Variants in MAP2K5 observed in about 807,000 individuals in gnomAD.
MAP2K5 encodes the protein dual specificity mitogen-activated protein kinase kinase 5.
Under a neutral mutation model 83.1 loss-of-function variants are expected in MAP2K5, and 49 were observed. The ratio of observed to expected loss-of-function variants is 0.59; its 90% CI spans 0.47 to 0.75. MAP2K5 has a LOEUF of 0.75. MAP2K5 is among the 30% of genes least tolerant of loss of function. MAP2K5 has a pLI of 0.00. For missense variants in MAP2K5, 457 were observed against 557.5 expected (o/e 0.82, Z 1.82); for synonymous variants, 202 against 191.8 (o/e 1.05, Z -0.44).
chr15:67,754,233 G>A (rs570641828), intron 19 of MAP2K5, among the ~76,000 whole-genome samples: 8 of 152,150 alleles, frequency 5.3e-5, no homozygotes, highest in Admixed American at 1.3e-4. Context: ...TTAAAAGGGT[G>A]AATTTTATTT....
At chr15:67,603,233 C>T (rs1996482) in intron 8 of MAP2K5, among the ~76,000 whole-genome samples, 126,297 of 152,148 alleles carry the variant, frequency 0.83, 53,346 homozygotes, top group Middle Eastern at 0.93. Flanking sequence ...CAGTAACTCC[C>T]CCATCACTCT....
intron 1 of MAP2K5, among the ~76,000 whole-genome samples, chr15:67,548,454 G>C (rs1397326906): frequency 1.3e-5 from 2 of 152,188 alleles, no homozygotes; most frequent in Non-Finnish European, 2.9e-5. Context: ...TTGGTGTTTT[G>C]TTTTATTTAT....
chr15:67,548,030 C>T (rs1238422852), intron 1 of MAP2K5, among the ~76,000 whole-genome samples: 1 of 152,156 alleles, frequency 6.6e-6, no homozygotes, highest in Non-Finnish European at 1.5e-5. Flanking sequence ...TTCTTTCTCC[C>T]TTTTCCTCGT....
At chr15:67,619,212 A>G (rs1347562407) in intron 8 of MAP2K5, among the ~76,000 whole-genome samples, 1 of 152,124 alleles carries the variant, frequency 6.6e-6, no homozygotes, top group Non-Finnish European at 1.5e-5. Flanking sequence ...AAAGAGAGGC[A>G]TTTCCTGACT....
At chr15:67,712,888 G>A (rs908099832) in intron 16 of MAP2K5, among the ~76,000 whole-genome samples, 9 of 151,332 alleles carry the variant, frequency 5.9e-5, no homozygotes, top group Admixed American at 2.0e-4. Flanking sequence ...ATTGCACTCC[G>A]CCTGGGCGAC....
chr15:67,597,052 C>T (rs188460918), intron 7 of MAP2K5, among the ~76,000 whole-genome samples: 1 of 151,832 alleles, frequency 6.6e-6, no homozygotes, highest in East Asian at 1.9e-4. Context: ...GCCTGTAGTC[C>T]CAGCTACTCA....
rs1013774603 is a variant in MAP2K5 at position 67,777,440 on chromosome 15, A to G, written c.1242+4688A>G. 1.3e-5 allele frequency among the ~76,000 whole-genome samples: 2 copies of G among 152,210 alleles called. No homozygotes were observed. The highest frequency in any genetic ancestry group is 4.8e-5 in the African/African-American group (2 of 41,448). On this transcript the variant is annotated intron_variant, in intron 21 of 21. Transcript: ENST00000178640. This position sits in a 1 kb window ranked among gnomAD's most constrained non-coding sequence, Gnocchi z 6.0. ...GAAGCAGCATCCCGGTTTGAGATCAATCGCTGGCTAATACTTTATCTAGGC... is the reference window on the plus strand; with the variant it reads ...GAAGCAGCATCCCGGTTTGAGATCAGTCGCTGGCTAATACTTTATCTAGGC...
At position 67,801,437 on chromosome 15, in the gene MAP2K5, G is replaced by A. The variant is rs530434215; in HGVS notation, c.1243-5209G>A. Among the ~76,000 whole-genome samples the A allele has an allele frequency of 4.6e-5, 7 of 152,160 alleles. No homozygotes were observed. Among genetic ancestry groups the A allele is most frequent in the Non-Finnish European group, 1.0e-4 (7 of 68,028 alleles). On this transcript the variant is annotated intron_variant, in intron 21 of 21. Transcript: ENST00000178640. The surrounding 1 kb of genome is among the most constrained non-coding windows in gnomAD (Gnocchi z 4.8). ...TCCTTGGTGGGAGAGGATGTGCTTG[G>A]TGCTCACCCTGAGGCAGAGCAGTCC... is the stretch of plus-strand genomic sequence containing the variant.
rs201063917 is a variant in MAP2K5 at position 67,752,677 on chromosome 15, CA to C, written c.1134+4089del. ...TGGGTGACAGAGCAAGACACCCTCT[CA>C]AAAAAAAAAAAAGAAAAAGAAAGAA... On this transcript the variant is annotated intron_variant, in intron 19 of 21. Coordinates refer to ENST00000178640, the MANE Select transcript of MAP2K5 (RefSeq NM_145160.3). 3.6e-3 allele frequency among the ~76,000 whole-genome samples: 437 copies of C among 121,384 alleles called. 1 individual carries two copies. The highest frequency in any genetic ancestry group is 7.5e-3 in the African/African-American group (242 of 32,234). The allele number at this position is 121,384 out of a possible 152,430, so 79.6% of individuals were successfully genotyped here.
chr15:67,663,664 G>A (rs1199999742), intron 12 of MAP2K5, among the ~76,000 whole-genome samples: 1 of 152,134 alleles, frequency 6.6e-6, no homozygotes, highest in Non-Finnish European at 1.5e-5. Context: ...CTTGAGGTCA[G>A]GAGTTCAAGA....
intron 13 of MAP2K5, among the ~76,000 whole-genome samples, chr15:67,681,182 A>G (rs925999616): frequency 1.3e-5 from 2 of 152,260 alleles, no homozygotes; most frequent in African/African-American, 4.8e-5. Context: ...TAGGAAGATC[A>G]GATATCAAGA....
At chr15:67,611,950 C>T (rs2085933224) in intron 8 of MAP2K5, among the ~76,000 whole-genome samples, 1 of 152,190 alleles carries the variant, frequency 6.6e-6, no homozygotes. Context: ...CCCTTCCTCC[C>T]TCCTTCCTTG....
Position 67,576,561 on chromosome 15 carries a change from G to C in MAP2K5, c.253-4193G>C, listed in dbSNP as rs1171395037. On this transcript the variant is annotated intron_variant, in intron 3 of 21. Coordinates refer to ENST00000178640, the MANE Select transcript of MAP2K5 (RefSeq NM_145160.3). ...CTCAGAGGGACTCTGAAACTAATCT[G>C]AGTCTAGTACTGGAGATTCCATTAG... Among the ~76,000 whole-genome samples, 4 of 147,688 alleles carry C rather than the reference G, an allele frequency of 2.7e-5. 1 individual carries two copies. In the East Asian group the frequency reaches 8.2e-4, roughly 30 times the overall value.
chr15:67,704,109 A>G (rs2088492117), intron 16 of MAP2K5, among the ~76,000 whole-genome samples: 1 of 152,176 alleles, frequency 6.6e-6, no homozygotes, highest in African/African-American at 2.4e-5. Context: ...TAATAAAATG[A>G]TGATTGATCT....
At chr15:67,739,989 G>T (rs940183963) in intron 17 of MAP2K5, among the ~76,000 whole-genome samples, 2 of 152,150 alleles carry the variant, frequency 1.3e-5, no homozygotes, top group African/African-American at 4.8e-5. Flanking sequence ...TGGAAGGATG[G>T]GGGGAAGCTG....
rs1171411750 is a variant in MAP2K5 at position 67,786,101 on chromosome 15, G to A, written c.1242+13349G>A. 6.6e-6 allele frequency among the ~76,000 whole-genome samples: 1 copy of A among 152,028 alleles called. No individual in the cohort carries two copies. Among genetic ancestry groups the A allele is most frequent in the Non-Finnish European group, 1.5e-5 (1 of 68,008 alleles). On this transcript the variant is annotated intron_variant, in intron 21 of 21. Transcript: ENST00000178640. This position sits in a 1 kb window ranked among gnomAD's most constrained non-coding sequence, Gnocchi z 4.7. ...AGTGCGAGACATACATGGGGCACGA[G>A]GTCATTCAGCCTCTTTGGGTCATGA...
chr15:67,685,517 C>T (rs371012740), intron 13 of MAP2K5, among the ~76,000 whole-genome samples: 1 of 151,866 alleles, frequency 6.6e-6, no homozygotes, highest in Non-Finnish European at 1.5e-5. Context: ...TTTCACAAAT[C>T]GTGGATAAAT....
intron 8 of MAP2K5, among the ~76,000 whole-genome samples, chr15:67,625,140 T>G (rs1403029461): frequency 6.6e-6 from 1 of 152,202 alleles, no homozygotes; most frequent in Non-Finnish European, 1.5e-5. Flanking sequence ...AGATTACAAG[T>G]TAAGACCAAC....
chr15:67,658,201 GT>G (rs1185952902), intron 11 of MAP2K5, among the ~76,000 whole-genome samples: 2 of 151,990 alleles, frequency 1.3e-5, no homozygotes, highest in Non-Finnish European at 2.9e-5. Context: ...GAGAAAAGCT[GT>G]TACAAAAGAC....
Sources: gnomAD v4.1 joint callset for allele counts (sites outside exome capture counted in the v4.1 genomes callset) on GRCh38, gnomAD v4.1.1 for gene constraint, Gnocchi (gnomAD v3.1) non-coding constraint, MANE v1.5 for transcripts, NCBI Gene and HGNC (gene_info 2026-07-23, HGNC 2026-07-21) for gene names.